The following PCDH9 variants were observed in gnomAD, a reference collection of about 807,000 sequenced individuals.
PCDH9 encodes the protein protocadherin-9.
In PCDH9, 24 loss-of-function variants were observed where a neutral mutation model predicts 70.6. The ratio of observed to expected loss-of-function variants is 0.34; its 90% CI spans 0.25 to 0.48. PCDH9 has a LOEUF of 0.48. PCDH9 is among the 20% of genes least tolerant of loss of function. PCDH9 has a pLI of 0.99. For synonymous variants in PCDH9, 562 were observed against 558.5 expected (o/e 1.01, Z -0.09); for missense variants, 1,281 against 1,503.6 (o/e 0.85, Z 2.45).
chr13:66,511,196 G>GTATT (rs1959452165), intron 4 of PCDH9, among the ~76,000 whole-genome samples: 1 of 152,084 alleles, frequency 6.6e-6, no homozygotes, highest in African/African-American at 2.4e-5. Context: ...ATAAATTTGA[G>GTATT]TATTTCCCTG....
At chr13:67,018,072 A>G (rs970469361) in intron 2 of PCDH9, among the ~76,000 whole-genome samples, 4 of 152,218 alleles carry the variant, frequency 2.6e-5, no homozygotes, top group African/African-American at 9.6e-5. Flanking sequence ...CCTATCAGTA[A>G]CATGCAATAT....
chr13:66,366,796 T>C (rs961305303), intron 4 of PCDH9, among the ~76,000 whole-genome samples: 2 of 152,086 alleles, frequency 1.3e-5, no homozygotes, highest in Non-Finnish European at 1.5e-5. Context: ...TTGATTTCAT[T>C]ATAATTCAGT....
At chr13:66,747,917 A>AAG (rs2079397345) in intron 3 of PCDH9, among the ~76,000 whole-genome samples, 1 of 152,216 alleles carries the variant, frequency 6.6e-6, no homozygotes, top group Non-Finnish European at 1.5e-5. Flanking sequence ...AGTAATTAGA[A>AAG]AGAGACCATT....
intron 4 of PCDH9, among the ~76,000 whole-genome samples, chr13:66,583,873 A>G (rs9540830): frequency 0.16 from 24,105 of 152,120 alleles, 2,244 homozygotes; most frequent in South Asian, 0.2. Flanking sequence ...AAATACTATC[A>G]TTATCATTTT....
intron 3 of PCDH9, among the ~76,000 whole-genome samples, chr13:66,826,191 T>C (rs1483439256): frequency 1.3e-5 from 2 of 152,220 alleles, no homozygotes; most frequent in African/African-American, 4.8e-5. Flanking sequence ...TCCCTGTGCC[T>C]GTATCCACCT....
chr13:66,682,593 C>A (rs141699866), intron 3 of PCDH9, among the ~76,000 whole-genome samples: 13 of 152,068 alleles, frequency 8.5e-5, no homozygotes, highest in Non-Finnish European at 1.6e-4. Flanking sequence ...TTGTGTTGGT[C>A]TCCTGGCTAT....
chr13:66,767,364 G>A (rs983678987), intron 3 of PCDH9, among the ~76,000 whole-genome samples: 4 of 152,090 alleles, frequency 2.6e-5, no homozygotes, highest in Admixed American at 6.6e-5. Flanking sequence ...ATATCCTGGC[G>A]ATTTACTTTT....
chr13:66,689,212 T>G (rs1362166887), intron 3 of PCDH9, among the ~76,000 whole-genome samples: 1 of 152,134 alleles, frequency 6.6e-6, no homozygotes, highest in Non-Finnish European at 1.5e-5. Context: ...TTACAGGCTA[T>G]TTAAAAAAGA....
At chr13:67,183,947 A>G (rs186945401) in intron 2 of PCDH9, among the ~76,000 whole-genome samples, 1 of 152,220 alleles carries the variant, frequency 6.6e-6, no homozygotes. Flanking sequence ...GCAGATTTGC[A>G]GTAAATTTTC....
At chr13:66,497,966 C>A (rs919004982) in intron 4 of PCDH9, among the ~76,000 whole-genome samples, 1 of 151,358 alleles carries the variant, frequency 6.6e-6, no homozygotes, top group Non-Finnish European at 1.5e-5. Flanking sequence ...ATTACAGACA[C>A]CCACCATGAC....
intron 3 of PCDH9, among the ~76,000 whole-genome samples, chr13:66,695,022 G>T (rs971752877): frequency 1.3e-5 from 2 of 151,490 alleles, no homozygotes; most frequent in African/African-American, 4.9e-5. Context: ...TCCTGCCTCA[G>T]TCTCCCTAGT....
Position 66,910,508 on chromosome 13 carries a change from T to C in PCDH9, c.3037-6903A>G, listed in dbSNP as rs536062495. Among the ~76,000 whole-genome samples the C allele has an allele frequency of 4.8e-5, 7 of 144,746 alleles. 1 individual carries two copies. Among genetic ancestry groups the C allele is most frequent in the African/African-American group, 1.8e-4 (7 of 38,304 alleles). The allele number at this position is 144,746 out of a possible 152,430, so 95.0% of individuals were successfully genotyped here. A position where few individuals can be genotyped will look rare whatever the true frequency, so the allele number is the denominator to read the frequency against. On this transcript the variant is annotated intron_variant, in intron 2 of 4. Coordinates refer to ENST00000377865, the MANE Select transcript of PCDH9 (RefSeq NM_203487.3). ...AGTACGTTCCAAAACAGTTAAGATA[T>C]AAGAATGCTTTATGCGTAAAAAAAT...
At chr13:66,390,899 A>G (rs1461278799) in intron 4 of PCDH9, among the ~76,000 whole-genome samples, 1 of 152,186 alleles carries the variant, frequency 6.6e-6, no homozygotes, top group African/African-American at 2.4e-5. Flanking sequence ...TATAGAGTAG[A>G]GCATGCCAAG....
chr13:66,389,841 G>C (rs1956988204), intron 4 of PCDH9, among the ~76,000 whole-genome samples: 1 of 152,072 alleles, frequency 6.6e-6, no homozygotes, highest in Non-Finnish European at 1.5e-5. Flanking sequence ...CAGTGATTTT[G>C]CCTCAACTAA....
chr13:66,480,846 A>AAG (rs1374378552), intron 4 of PCDH9, among the ~76,000 whole-genome samples: 3 of 152,204 alleles, frequency 2.0e-5, no homozygotes, highest in African/African-American at 7.2e-5. Flanking sequence ...TTCTACTATA[A>AAG]AGACACATGC....
At chr13:66,517,717 T>C (rs1249283829) in intron 4 of PCDH9, among the ~76,000 whole-genome samples, 1 of 152,172 alleles carries the variant, frequency 6.6e-6, no homozygotes, top group Non-Finnish European at 1.5e-5. Flanking sequence ...TTAAGCTCTA[T>C]TTTAGTAGCG....
At chr13:66,708,055 T>A (rs2057459) in intron 3 of PCDH9, among the ~76,000 whole-genome samples, 121,201 of 148,746 alleles carry the variant, frequency 0.81, 50,287 homozygotes, top group East Asian at 0.92. Context: ...ATTTTATTTT[T>A]TTTTTATTTT....
chr13:66,311,764 G>A (rs1955566030), intron 4 of PCDH9, among the ~76,000 whole-genome samples: 1 of 151,992 alleles, frequency 6.6e-6, no homozygotes, highest in Non-Finnish European at 1.5e-5. Context: ...ACATTTAAAT[G>A]AATGTCATAC....
intron 2 of PCDH9, among the ~76,000 whole-genome samples, chr13:67,049,098 A>G (rs547795362): frequency 2.6e-5 from 4 of 152,330 alleles, no homozygotes; most frequent in South Asian, 2.1e-4. Flanking sequence ...TCTCTTTAAC[A>G]TTTAGCCTTC....
Sources: allele counts gnomAD v4.1 joint callset (sites outside exome capture counted in the v4.1 genomes callset), GRCh38; gene constraint gnomAD v4.1.1; transcripts MANE v1.5; gene names NCBI Gene and HGNC (gene_info 2026-07-23, HGNC 2026-07-21).